Variants in MROH2B observed in about 807,000 individuals in gnomAD.
MROH2B encodes maestro heat-like repeat-containing protein family member 2B.
A neutral mutation model predicts 208.6 loss-of-function variants in MROH2B; 177 were observed. That is an observed-to-expected ratio of 0.85 (90% confidence interval 0.75 to 0.96). The LOEUF (loss-of-function observed/expected upper bound fraction) is 0.96. Ranked by LOEUF, MROH2B falls within the 40% of genes least tolerant of loss-of-function variation. The probability of loss-of-function intolerance (pLI) is 0.00; values close to 1 mark genes in which losing one functional copy is unlikely to be tolerated. For synonymous variants in MROH2B, 728 were observed against 659.0 expected (o/e 1.10, Z -1.60); for missense variants, 2,002 against 1,878.7 (o/e 1.07, Z -1.21).
chr5:41,034,499 C>A (rs325834), intron 21 of MROH2B, among the ~76,000 whole-genome samples: 24,545 of 151,974 alleles, frequency 0.16, 2,083 homozygotes, highest in East Asian at 0.26. Flanking sequence ...GTGTTATGAG[C>A]CTTTCCCATC....
At position 41,000,242 on chromosome 5, in the gene MROH2B, T is replaced by A. The variant is rs755024109; in HGVS notation, c.4460A>T (p.Tyr1487Phe). The A allele has an allele frequency of 6.2e-7, 1 of 1,613,880 alleles. No homozygotes were observed. Among genetic ancestry groups the A allele is most frequent in the Non-Finnish European group, 8.5e-7 (1 of 1,179,828 alleles). The change falls in exon 39 of 42, where the codon TAC (tyrosine) becomes TTC (phenylalanine). Residue 1487 changes from tyrosine to phenylalanine, a missense_variant. Transcript: ENST00000399564. ...DQDLPRARDF[Y>F]RQFCVKLAKK... ...CACCAGTTTCACACAGAATTGCCTGTAGAAATCCCTGGCCCTTGGTAGATC... is the reference window on the plus strand; with the variant it reads ...CACCAGTTTCACACAGAATTGCCTGAAGAAATCCCTGGCCCTTGGTAGATC...
At chr5:41,038,489 A>G (rs1411463926) in intron 21 of MROH2B, among the ~76,000 whole-genome samples, 2 of 152,180 alleles carry the variant, frequency 1.3e-5, no homozygotes, top group African/African-American at 2.4e-5. Context: ...GATCCTACCT[A>G]TCTTTCTTTT....
At chr5:41,054,074 G>A (rs1743369689) in intron 11 of MROH2B, among the ~76,000 whole-genome samples, 1 of 151,920 alleles carries the variant, frequency 6.6e-6, no homozygotes, top group Admixed American at 6.6e-5. Flanking sequence ...CCACCTCCCG[G>A]GCTCAAGTGA....
At chr5:41,052,173 C>T (rs1341887371) in intron 12 of MROH2B, among the ~76,000 whole-genome samples, 3 of 145,508 alleles carry the variant, frequency 2.1e-5, no homozygotes, top group Middle Eastern at 3.5e-3. Context: ...CTGATTTAAC[C>T]TATCTTGTGT....
At chr5:41,042,326 A>G (rs1742981006) in intron 18 of MROH2B, 118 bp from the exon 19 acceptor site, 2 of 593,394 alleles carry the variant, frequency 3.4e-6, no homozygotes, top group South Asian at 2.1e-5. Context: ...CTTAATAACC[A>G]TGTACCTCAA....
In MROH2B at chr5:41,033,996, G is replaced by T. The variant is rs189773748; in HGVS notation, c.2215-132C>A. On this transcript the variant is annotated intron_variant, in intron 21 of 41. Coordinates refer to ENST00000399564, the MANE Select transcript of MROH2B (RefSeq NM_173489.5). ...AGGAGGTAGAGCCTTGCCAAGGGGG[G>T]TCTTGCCAAGGGGAGGGGGGCAATT... 1.2e-4 allele frequency: 152 copies of T among 1,273,968 alleles called. 1 individual carries two copies. The African/African-American group carries it at 2.2e-3, about 19-fold the overall frequency. 78.9% of individuals were successfully genotyped at this position (1,273,968 alleles called of 1,614,324 possible).
At chr5:41,011,970 T>C (rs1245065649) in intron 30 of MROH2B, among the ~76,000 whole-genome samples, 1 of 152,204 alleles carries the variant, frequency 6.6e-6, no homozygotes, top group Non-Finnish European at 1.5e-5. Flanking sequence ...ATCCAGCCCA[T>C]TTTTTCCTTC....
In MROH2B at chr5:41,055,755, A is replaced by C. The variant is rs1314099508; in HGVS notation, c.1020T>G (p.Ala340=). The C allele has an allele frequency of 1.9e-6, 3 of 1,613,638 alleles. No individual in the cohort carries two copies. The highest frequency in any genetic ancestry group is 2.5e-6 in the Non-Finnish European group (3 of 1,179,638). ...RVGILTLLRL[A]VNADEPRLRD... ...CCTCTTGCTTACCATCAGCATTGAC[A>C]GCCAATCTTAACAAAGTCAAGATTC... is the stretch of plus-strand genomic sequence containing the variant. The change falls in exon 10 of 42, where the codon GCT becomes GCG. Residue 340 remains alanine (A), a synonymous_variant. Transcript: ENST00000399564.
At chr5:41,024,099 A>T (rs533396455) in intron 24 of MROH2B, among the ~76,000 whole-genome samples, 186 of 152,326 alleles carry the variant, frequency 1.2e-3, no homozygotes, top group African/African-American at 4.2e-3. Context: ...TGTAAAGACC[A>T]TCAAGGCTAG....
intron 24 of MROH2B, among the ~76,000 whole-genome samples, chr5:41,027,273 T>G (rs569284904): frequency 1.3e-5 from 2 of 152,046 alleles, no homozygotes; most frequent in Non-Finnish European, 2.9e-5. Flanking sequence ...GGGAGAAAAT[T>G]TTTGCAATCT....
chr5:41,038,032 T>C (rs1742818480), intron 21 of MROH2B, among the ~76,000 whole-genome samples: 1 of 152,176 alleles, frequency 6.6e-6, no homozygotes. Context: ...ATTCTTGGTA[T>C]GTTTGAGAAG....
intron 34 of MROH2B, 86 bp downstream of exon 34, chr5:41,007,228 A>G (rs1453336597): frequency 7.9e-7 from 1 of 1,267,848 alleles, no homozygotes; most frequent in Non-Finnish European, 1.0e-6. Context: ...AATTATGCTC[A>G]GTGAAGTTGC....
intron 22 of MROH2B, 127 bp from the exon 23 acceptor site, chr5:41,033,287 C>G (rs1579933091): frequency 7.7e-7 from 1 of 1,306,250 alleles, no homozygotes; most frequent in Non-Finnish European, 1.0e-6. Context: ...TTTGCCATCT[C>G]TACTCCAGAC....
intron 24 of MROH2B, among the ~76,000 whole-genome samples, chr5:41,026,196 C>A (rs1742353720): frequency 6.6e-6 from 1 of 152,092 alleles, no homozygotes; most frequent in South Asian, 2.1e-4. Context: ...CGCAATCAGG[C>A]AGGAGAAAGA....
intron 4 of MROH2B, among the ~76,000 whole-genome samples, chr5:41,065,081 C>T (rs1419322765): frequency 1.3e-5 from 2 of 152,290 alleles, no homozygotes; most frequent in East Asian, 3.9e-4. Flanking sequence ...TGTGCTTCTG[C>T]AAATGCAAAG....
chr5:41,049,059 A>C (rs1743205841), intron 15 of MROH2B, 42 bp downstream of exon 15: 7 of 1,555,846 alleles, frequency 4.5e-6, no homozygotes. Flanking sequence ...TATCCTTATC[A>C]GCTTAAATTT....
At chr5:40,999,880 G>A (rs951514594) in intron 39 of MROH2B, 101 bp from the exon 40 acceptor site, 2 of 987,318 alleles carry the variant, frequency 2.0e-6, no homozygotes, top group Non-Finnish European at 1.5e-6. Flanking sequence ...AGGCCAGTGA[G>A]CACTCACACA....
At chr5:41,050,190 A>G (rs941485446) in intron 13 of MROH2B, among the ~76,000 whole-genome samples, 6 of 152,166 alleles carry the variant, frequency 3.9e-5, no homozygotes, top group African/African-American at 1.4e-4. Context: ...CTGATTCCCT[A>G]CAATTATCGT....
At chr5:41,044,956 C>G (rs1743071114) in intron 18 of MROH2B, among the ~76,000 whole-genome samples, 3 of 152,064 alleles carry the variant, frequency 2.0e-5, no homozygotes, top group Non-Finnish European at 2.9e-5. Context: ...ATACTACAAC[C>G]CTCAGAGGTG....
Sources: allele counts gnomAD v4.1 joint callset (sites outside exome capture counted in the v4.1 genomes callset), GRCh38; gene constraint gnomAD v4.1.1; transcripts MANE v1.5; gene names NCBI Gene and HGNC (gene_info 2026-07-23, HGNC 2026-07-21).